Variants in MAGI2 observed in about 807,000 individuals in gnomAD.
The protein encoded by MAGI2 is membrane associated guanylate kinase, WW and PDZ domain containing 2.
A neutral mutation model predicts 133.3 loss-of-function variants in MAGI2; 35 were observed. The observed-to-expected ratio is 0.26, with a 90% CI of 0.20 to 0.35. MAGI2 has a LOEUF of 0.35. Ranked by LOEUF, MAGI2 falls within the 10% of genes least tolerant of loss-of-function variation. MAGI2 has a pLI of 1.00. For missense variants in MAGI2, 1,636 were observed against 1,863.4 expected, an observed-to-expected ratio of 0.88 and a Z score of 2.25; for synonymous variants, 729 against 710.6, an observed-to-expected ratio of 1.03 and a Z score of -0.41.
chr7:78,443,560 T>C (rs1701198843), intron 6 of MAGI2, among the ~76,000 whole-genome samples: 2 of 152,164 alleles, frequency 1.3e-5, no homozygotes, highest in African/African-American at 4.8e-5. Flanking sequence ...TCCACTATTA[T>C]TTTTTGATTA....
intron 6 of MAGI2, among the ~76,000 whole-genome samples, chr7:78,476,498 G>A (rs191132018): frequency 6.6e-6 from 1 of 152,098 alleles, no homozygotes; most frequent in Non-Finnish European, 1.5e-5. Flanking sequence ...TTACAACTTA[G>A]TAGTAAGAAG....
chr7:79,424,618 A>G (rs775820658), intron 1 of MAGI2, among the ~76,000 whole-genome samples: 2 of 152,198 alleles, frequency 1.3e-5, no homozygotes, highest in Admixed American at 6.5e-5. Context: ...TGGCTGGATT[A>G]TCCATTCCAC....
At chr7:78,178,237 G>A in intron 13 of MAGI2, 135 bp from the exon 14 acceptor site, 1 of 563,962 alleles carries the variant, frequency 1.8e-6, no homozygotes, top group Non-Finnish European at 3.2e-6. Flanking sequence ...GGAAACCATA[G>A]AGGATACAAA....
chr7:78,736,803 T>G (rs898612839), intron 2 of MAGI2, among the ~76,000 whole-genome samples: 8 of 152,266 alleles, frequency 5.3e-5, no homozygotes, highest in African/African-American at 9.6e-5. Context: ...TGTCGAAGTC[T>G]TTTAAGAATG....
At chr7:78,863,473 G>C (rs1226309374) in intron 2 of MAGI2, among the ~76,000 whole-genome samples, 2 of 152,148 alleles carry the variant, frequency 1.3e-5, no homozygotes, top group African/African-American at 4.8e-5. Flanking sequence ...TCAACAACCA[G>C]CTCTCAAGGG....
At chr7:79,445,316 G>C (rs1848773705) in intron 1 of MAGI2, among the ~76,000 whole-genome samples, 1 of 152,070 alleles carries the variant, frequency 6.6e-6, no homozygotes, top group South Asian at 2.1e-4. Flanking sequence ...TTGACAAATG[G>C]GATCTAATTA....
At chr7:78,977,244 C>T (rs1042802521) in intron 2 of MAGI2, among the ~76,000 whole-genome samples, 2 of 151,512 alleles carry the variant, frequency 1.3e-5, no homozygotes, top group South Asian at 2.1e-4. Context: ...GAGAACACAT[C>T]ACATATAGGT....
At chr7:78,505,595 G>GACTA (rs1795013511) in intron 4 of MAGI2, among the ~76,000 whole-genome samples, 1 of 152,202 alleles carries the variant, frequency 6.6e-6, no homozygotes, top group Non-Finnish European at 1.5e-5. Flanking sequence ...AACATGTTCA[G>GACTA]TTATACAATA....
chr7:78,748,784 T>A (rs1380188383), intron 2 of MAGI2, among the ~76,000 whole-genome samples: 1 of 152,192 alleles, frequency 6.6e-6, no homozygotes, highest in Admixed American at 6.5e-5. Flanking sequence ...ATATTTTCAC[T>A]CCATTAAGTT....
intron 2 of MAGI2, among the ~76,000 whole-genome samples, chr7:78,894,155 A>T (rs190950851): frequency 7.2e-5 from 11 of 152,328 alleles, no homozygotes; most frequent in African/African-American, 2.6e-4. Flanking sequence ...TAATCCCAGC[A>T]CTTTGTGAGG....
At chr7:79,107,844 T>C (rs1228348784) in intron 1 of MAGI2, among the ~76,000 whole-genome samples, 1 of 152,200 alleles carries the variant, frequency 6.6e-6, no homozygotes, top group Admixed American at 6.5e-5. Context: ...CTGTAGAATA[T>C]TAATTGCATT....
At chr7:79,118,251 C>T (rs367884447) in intron 1 of MAGI2, among the ~76,000 whole-genome samples, 6 of 152,270 alleles carry the variant, frequency 3.9e-5, no homozygotes, top group Non-Finnish European at 7.4e-5. Flanking sequence ...TGCAAACATG[C>T]TACTATTTGG....
At chr7:78,298,670 T>C (rs1488380323) in intron 9 of MAGI2, among the ~76,000 whole-genome samples, 2 of 152,000 alleles carry the variant, frequency 1.3e-5, no homozygotes, top group Non-Finnish European at 2.9e-5. Context: ...CCTTGGCTAA[T>C]TTTTGTATTT....
chr7:79,036,256 G>A (rs977977966), intron 1 of MAGI2, among the ~76,000 whole-genome samples: 2 of 152,128 alleles, frequency 1.3e-5, no homozygotes, highest in African/African-American at 2.4e-5. Flanking sequence ...AAGTATCTTC[G>A]TCTCTTATTT....
intron 2 of MAGI2, among the ~76,000 whole-genome samples, chr7:78,756,875 C>T (rs186272693): frequency 1.3e-5 from 2 of 152,258 alleles, no homozygotes; most frequent in African/African-American, 4.8e-5. Context: ...TTGATTAAAT[C>T]CAGCTCTGTC....
rs1457369577 is a variant in MAGI2 at position 78,019,040 on chromosome 7, GTC to G, written c.*273_*274del. 2 of 432,134 alleles carry G rather than the reference GTC, an allele frequency of 4.6e-6. No homozygotes were observed. Among genetic ancestry groups the G allele is most frequent in the South Asian group, 5.8e-5 (1 of 17,316 alleles). 26.8% of individuals were successfully genotyped at this position (432,134 alleles called of 1,614,324 possible). On this transcript the variant is annotated 3_prime_UTR_variant, in exon 22 of 22. Coordinates refer to ENST00000354212, the MANE Select transcript of MAGI2 (RefSeq NM_012301.4). ...TCTTAAACTAAAGCTACACTGCACT[GTC>G]TCTCTGTGATGTTCTTCACGTTATT...
At chr7:78,300,717 T>G (rs1797750140) in intron 9 of MAGI2, among the ~76,000 whole-genome samples, 1 of 152,226 alleles carries the variant, frequency 6.6e-6, no homozygotes, top group Non-Finnish European at 1.5e-5. Context: ...CCAGGGAACA[T>G]GGCAGAAATA....
intron 7 of MAGI2, among the ~76,000 whole-genome samples, chr7:78,353,159 AT>A (rs1791699246): frequency 6.6e-6 from 1 of 152,238 alleles, no homozygotes; most frequent in Admixed American, 6.5e-5. Context: ...AAAGTAGTGA[AT>A]TATAAGTTCA....
intron 3 of MAGI2, chr7:78,615,506 T>G (rs1563246634): frequency 6.6e-6 from 1 of 152,182 alleles, no homozygotes; most frequent in South Asian, 2.1e-4. Flanking sequence ...GAATTGATCC[T>G]GGGGGACCTG....
Sources: allele counts gnomAD v4.1 joint callset (sites outside exome capture counted in the v4.1 genomes callset), GRCh38; gene constraint gnomAD v4.1.1; transcripts MANE v1.5; gene names NCBI Gene and HGNC (gene_info 2026-07-23, HGNC 2026-07-21).